The following PREX2 variants were observed in gnomAD, a reference collection of about 807,000 sequenced individuals.
PREX2 encodes the protein phosphatidylinositol 3,4,5-trisphosphate-dependent Rac exchanger 2 protein.
PREX2 carries 107 observed loss-of-function variants against 203.2 expected under a neutral mutation model. The observed-to-expected ratio is 0.53, with a 90% confidence interval of 0.45 to 0.62. PREX2 has a LOEUF of 0.62. Ranked by LOEUF, PREX2 falls within the 20% of genes least tolerant of loss-of-function variation. The pLI is 0.00. For synonymous variants in PREX2, 672 were observed against 663.6 expected (o/e 1.01, Z -0.19); for missense variants, 1,777 against 1,955.9 (o/e 0.91, Z 1.72).
intron 35 of PREX2, among the ~76,000 whole-genome samples, chr8:68,175,580 C>G (rs1275263753): frequency 6.6e-6 from 1 of 152,108 alleles, no homozygotes; most frequent in Non-Finnish European, 1.5e-5. Context: ...GCAGAAGGAA[C>G]TGAAATAGTT....
chr8:68,228,331 GA>G (rs1813091961), intron 39 of PREX2, among the ~76,000 whole-genome samples: 1 of 152,008 alleles, frequency 6.6e-6, no homozygotes, highest in South Asian at 2.1e-4. Flanking sequence ...GGTTAAAAGT[GA>G]AAAAAATTGG....
intron 37 of PREX2, among the ~76,000 whole-genome samples, chr8:68,210,267 C>A (rs1000491897): frequency 6.6e-6 from 1 of 152,142 alleles, no homozygotes; most frequent in Non-Finnish European, 1.5e-5. Context: ...AATTTTTTTA[C>A]TGCAACATCT....
chr8:67,984,296 A>G (rs913770874), intron 1 of PREX2, among the ~76,000 whole-genome samples: 1 of 151,994 alleles, frequency 6.6e-6, no homozygotes, highest in Non-Finnish European at 1.5e-5. Flanking sequence ...AACGAAGAGT[A>G]TGATTTATTC....
chr8:68,221,206 T>TA (rs1049998147), intron 38 of PREX2, among the ~76,000 whole-genome samples: 2 of 152,224 alleles, frequency 1.3e-5, no homozygotes, highest in African/African-American at 2.4e-5. Flanking sequence ...TTATCCTTTT[T>TA]ATGGCATATA....
intron 11 of PREX2, among the ~76,000 whole-genome samples, chr8:68,061,353 G>A (rs1227298295): frequency 3.9e-5 from 6 of 152,194 alleles, no homozygotes; most frequent in African/African-American, 4.8e-5. Flanking sequence ...GGCTTATTCC[G>A]AGGGGGGCCA....
intron 14 of PREX2, among the ~76,000 whole-genome samples, chr8:68,072,883 T>G (rs949403095): frequency 6.6e-6 from 1 of 152,192 alleles, no homozygotes; most frequent in Non-Finnish European, 1.5e-5. Flanking sequence ...TTTTTATGTT[T>G]TTTACACTTT....
At chr8:67,993,094 G>A (rs1806654284) in intron 1 of PREX2, among the ~76,000 whole-genome samples, 1 of 152,114 alleles carries the variant, frequency 6.6e-6, no homozygotes, top group South Asian at 2.1e-4. Flanking sequence ...AGGAAGAAAT[G>A]GTTATTTTAA....
At chr8:68,191,568 C>T (rs186043514) in intron 35 of PREX2, among the ~76,000 whole-genome samples, 154 bp from the exon 36 acceptor site, 1 of 152,110 alleles carries the variant, frequency 6.6e-6, no homozygotes, top group South Asian at 2.1e-4. Flanking sequence ...AAAATGGAAA[C>T]CTTTTGACAT....
intron 3 of PREX2, 34 bp downstream of exon 3, chr8:68,019,705 T>G (rs773392683): frequency 3.8e-6 from 6 of 1,584,182 alleles, no homozygotes; most frequent in Non-Finnish European, 5.1e-6. Flanking sequence ...TAAAAGTTCT[T>G]TTCCCCTAGA....
At chr8:68,104,086 T>G (rs1810342059) in intron 23 of PREX2, among the ~76,000 whole-genome samples, 1 of 152,200 alleles carries the variant, frequency 6.6e-6, no homozygotes. Context: ...TCCTCCCCAT[T>G]GCTCAGCCTA....
intron 38 of PREX2, among the ~76,000 whole-genome samples, chr8:68,219,387 A>G (rs1406475873): frequency 1.3e-5 from 2 of 152,142 alleles, no homozygotes; most frequent in East Asian, 1.9e-4. Context: ...AATGTAAATT[A>G]TATTTATATA....
At chr8:67,956,866 C>T (rs1238599397) in intron 1 of PREX2, among the ~76,000 whole-genome samples, 3 of 152,190 alleles carry the variant, frequency 2.0e-5, no homozygotes, top group Non-Finnish European at 4.4e-5. Context: ...TGTTGCCTGT[C>T]CAGGCTTTGA....
intron 35 of PREX2, among the ~76,000 whole-genome samples, chr8:68,173,101 T>C (rs1238050153): frequency 6.6e-6 from 1 of 152,212 alleles, no homozygotes; most frequent in Admixed American, 6.5e-5. Flanking sequence ...GGCAACCATG[T>C]CCTAGTTCCT....
chr8:68,131,169 T>C (rs1311614482), intron 31 of PREX2, among the ~76,000 whole-genome samples: 1 of 152,180 alleles, frequency 6.6e-6, no homozygotes, highest in Non-Finnish European at 1.5e-5. Flanking sequence ...ATTGTTGCTG[T>C]AGTGTGGAAT....
At chr8:68,101,936 G>A (rs1316187693) in intron 23 of PREX2, among the ~76,000 whole-genome samples, 2 of 152,148 alleles carry the variant, frequency 1.3e-5, no homozygotes, top group Non-Finnish European at 2.9e-5. Context: ...TGATGCAGCT[G>A]CTTTAAGAAT....
At chr8:67,976,466 C>CAGGAG (rs1806091907) in intron 1 of PREX2, among the ~76,000 whole-genome samples, 1 of 70,846 alleles carries the variant, frequency 1.4e-5, no homozygotes, top group African/African-American at 5.3e-5. Flanking sequence ...GAGAGAGAGA[C>CAGGAG]AGAGACAGAG....
At chr8:68,030,457 T>G in intron 5 of PREX2, 40 bp from the exon 6 acceptor site, 1 of 1,601,568 alleles carries the variant, frequency 6.2e-7, no homozygotes, top group South Asian at 1.1e-5. Context: ...ACCAGAAAGC[T>G]GAAGATCAAA....
intron 1 of PREX2, among the ~76,000 whole-genome samples, chr8:67,987,270 CTTT>C (rs1291928528): frequency 6.6e-6 from 1 of 150,592 alleles, no homozygotes; most frequent in Non-Finnish European, 1.5e-5. Flanking sequence ...CCAGTCAACT[CTTT>C]TTTAAAGTTA....
intron 1 of PREX2, among the ~76,000 whole-genome samples, chr8:68,010,881 G>T (rs746922221): frequency 2.0e-5 from 3 of 152,072 alleles, no homozygotes; most frequent in Admixed American, 6.6e-5. Context: ...CTAGGGTTTG[G>T]TGTATCCCTG....
Sources: allele counts gnomAD v4.1 joint callset (sites outside exome capture counted in the v4.1 genomes callset), GRCh38; gene constraint gnomAD v4.1.1; transcripts MANE v1.5; gene names NCBI Gene and HGNC (gene_info 2026-07-23, HGNC 2026-07-21).